SSBP2: variants seen among roughly 807,000 people sequenced by gnomAD.
The protein encoded by SSBP2 is single-stranded DNA-binding protein 2.
Under a neutral mutation model 61.8 loss-of-function variants are expected in SSBP2, and 17 were observed. The ratio of observed to expected loss-of-function variants is 0.28; its 90% CI spans 0.19 to 0.41. SSBP2 has a LOEUF of 0.41. Ranked by LOEUF, SSBP2 falls within the 10% of genes least tolerant of loss-of-function variation. The probability of loss-of-function intolerance (pLI) is 1.00; values close to 1 mark genes in which losing one functional copy is unlikely to be tolerated. For missense variants in SSBP2, 310 were observed against 458.7 expected (o/e 0.68, Z 2.96); for synonymous variants, 139 against 141.3 (o/e 0.98, Z 0.12).
At chr5:81,544,519 T>G (rs1771578519) in intron 4 of SSBP2, among the ~76,000 whole-genome samples, 1 of 152,184 alleles carries the variant, frequency 6.6e-6, no homozygotes, top group African/African-American at 2.4e-5. Context: ...ACTTACATTC[T>G]TTGGAGAAAT....
chr5:81,479,870 T>A (rs1439760099), intron 6 of SSBP2, among the ~76,000 whole-genome samples: 1 of 152,248 alleles, frequency 6.6e-6, no homozygotes, highest in Non-Finnish European at 1.5e-5. Context: ...AAGGTTTTAT[T>A]GATGCATGAT....
At chr5:81,700,776 C>A (rs1753928554) in intron 1 of SSBP2, among the ~76,000 whole-genome samples, 1 of 152,212 alleles carries the variant, frequency 6.6e-6, no homozygotes, top group South Asian at 2.1e-4. Flanking sequence ...ACCTCATGAA[C>A]CAACCTCTGC....
chr5:81,705,845 C>A (rs1754342441), intron 1 of SSBP2, among the ~76,000 whole-genome samples: 2 of 152,176 alleles, frequency 1.3e-5, no homozygotes, highest in Non-Finnish European at 2.9e-5. Flanking sequence ...CAAAAAGCAA[C>A]AGATGCTGGC....
chr5:81,680,577 T>C (rs980994064), intron 1 of SSBP2, among the ~76,000 whole-genome samples: 1 of 151,978 alleles, frequency 6.6e-6, no homozygotes, highest in Non-Finnish European at 1.5e-5. Context: ...GAGAAAGATA[T>C]ACCATGCTAA....
chr5:81,703,909 T>A (rs1754178190), intron 1 of SSBP2, among the ~76,000 whole-genome samples: 1 of 152,306 alleles, frequency 6.6e-6, no homozygotes, highest in Non-Finnish European at 1.5e-5. Context: ...GTAAATAGAA[T>A]GAGGCAGAGC....
chr5:81,580,178 A>G (rs745923114), intron 4 of SSBP2, among the ~76,000 whole-genome samples: 30 of 152,100 alleles, frequency 2.0e-4, no homozygotes, highest in Non-Finnish European at 4.1e-4. Flanking sequence ...CTGTATTTCT[A>G]TTAATTTATG....
At chr5:81,689,928 A>G (rs974959743) in intron 1 of SSBP2, among the ~76,000 whole-genome samples, 1 of 152,134 alleles carries the variant, frequency 6.6e-6, no homozygotes. Flanking sequence ...TAACATATAA[A>G]TAGAAACAAA....
intron 4 of SSBP2, among the ~76,000 whole-genome samples, chr5:81,607,392 T>C (rs1252233421): frequency 3.3e-5 from 5 of 152,166 alleles, no homozygotes; most frequent in African/African-American, 1.2e-4. Flanking sequence ...ATCCAGCCAT[T>C]CTTTCATCAA....
At chr5:81,527,314 G>A (rs1253990443) in intron 4 of SSBP2, among the ~76,000 whole-genome samples, 1 of 152,050 alleles carries the variant, frequency 6.6e-6, no homozygotes, top group Non-Finnish European at 1.5e-5. Flanking sequence ...AAAAGTGGAG[G>A]AACTTGGGCA....
At chr5:81,537,741 C>A (rs767066807) in intron 4 of SSBP2, among the ~76,000 whole-genome samples, 9 of 152,124 alleles carry the variant, frequency 5.9e-5, no homozygotes, top group Non-Finnish European at 1.0e-4. Context: ...CCATACAAGA[C>A]AAACATAATC....
At chr5:81,718,911 C>G (rs1299202923) in intron 1 of SSBP2, among the ~76,000 whole-genome samples, 2 of 152,168 alleles carry the variant, frequency 1.3e-5, no homozygotes, top group Admixed American at 6.5e-5. Flanking sequence ...TTTCTAAGGA[C>G]ATTTCTAATC....
intron 3 of SSBP2, among the ~76,000 whole-genome samples, chr5:81,622,710 A>T (rs1220063209): frequency 6.6e-6 from 1 of 152,214 alleles, no homozygotes; most frequent in Non-Finnish European, 1.5e-5. Context: ...ATGAGGATAC[A>T]ACAAAACTTG....
chr5:81,518,880 T>C (rs1769245562), intron 4 of SSBP2, among the ~76,000 whole-genome samples: 1 of 152,158 alleles, frequency 6.6e-6, no homozygotes, highest in African/African-American at 2.4e-5. Context: ...GTGTTTCTTT[T>C]GGGAAGCATG....
chr5:81,608,763 A>G (rs1745134837), intron 4 of SSBP2, among the ~76,000 whole-genome samples: 1 of 152,122 alleles, frequency 6.6e-6, no homozygotes, highest in South Asian at 2.1e-4. Flanking sequence ...ACCCTTGAGA[A>G]TTCTAGAATG....
At chr5:81,586,208 A>G (rs750726708) in intron 4 of SSBP2, among the ~76,000 whole-genome samples, 6 of 152,190 alleles carry the variant, frequency 3.9e-5, no homozygotes, top group Non-Finnish European at 7.4e-5. Flanking sequence ...TTAATTTTAA[A>G]GGAACTCCTG....
At position 81,629,276 on chromosome 5, in the gene SSBP2, C is replaced by A. The variant is rs552510320; in HGVS notation, c.197+7281G>T. On this transcript the variant is annotated intron_variant, in intron 3 of 16. Transcript: ENST00000320672. ...CTGGAATTACAGGCGTGAGCCACCA[C>A]ACCTGGACCCTCTTTAATCGATCTT... 3.3e-5 allele frequency among the ~76,000 whole-genome samples: 5 copies of A among 152,328 alleles called. No homozygotes were observed. In the South Asian group the frequency reaches 1.0e-3, roughly 32 times the overall value.
chr5:81,512,682 A>G (rs1467945458), intron 5 of SSBP2, among the ~76,000 whole-genome samples: 1 of 152,130 alleles, frequency 6.6e-6, no homozygotes, highest in African/African-American at 2.4e-5. Flanking sequence ...AAAATTATTT[A>G]TAATTTTATT....
At chr5:81,431,644 G>A (rs77525249) in intron 15 of SSBP2, among the ~76,000 whole-genome samples, 4,793 of 151,980 alleles carry the variant, frequency 0.032, 150 homozygotes, top group African/African-American at 0.066. Flanking sequence ...GAATACAGTG[G>A]TGAGATCACA....
intron 4 of SSBP2, among the ~76,000 whole-genome samples, chr5:81,594,230 G>C (rs548147085): frequency 1.1e-4 from 17 of 151,968 alleles, no homozygotes; most frequent in Admixed American, 2.0e-4. Context: ...CAACAAAGAT[G>C]AAAAGAGACA....
Sources: allele counts gnomAD v4.1 joint callset (sites outside exome capture counted in the v4.1 genomes callset), GRCh38; gene constraint gnomAD v4.1.1; transcripts MANE v1.5; gene names NCBI Gene and HGNC (gene_info 2026-07-23, HGNC 2026-07-21).